Variants in ADH6 observed in about 807,000 individuals in gnomAD.
ADH6 encodes the protein alcohol dehydrogenase 6 (class V).
In ADH6, 34 loss-of-function variants were observed where a neutral mutation model predicts 36.5. The observed-to-expected ratio is 0.93, with a 90% CI of 0.71 to 1.24. ADH6 has a LOEUF of 1.24. Ranked by LOEUF, ADH6 falls within the 50% of genes most tolerant of loss-of-function variation. The pLI, the probability that ADH6 is intolerant of heterozygous loss-of-function variation, is 0.00. For missense variants in ADH6, 440 were observed against 447.0 expected, an observed-to-expected ratio of 0.98 and a Z score of 0.14; for synonymous variants, 161 against 155.5, an observed-to-expected ratio of 1.04 and a Z score of -0.26.
rs1403037005 is a variant in ADH6, at chr4:99,210,632, T to C, written c.263-130A>G. 21 of 685,956 alleles carry C rather than the reference T, an allele frequency of 3.1e-5. No homozygotes were observed. The Admixed American group carries it at 5.5e-4, about 18-fold the overall frequency. The allele number at this position is 685,956 out of a possible 1,614,324, so 42.5% of individuals were successfully genotyped here. ...TGAAAATTATTTCCACATTCAGTTG[T>C]GCTTGATACCACAAAGAATATCAAA... On this transcript the variant is annotated intron_variant, in intron 3 of 8. Coordinates refer to ENST00000394899, the MANE Select transcript of ADH6 (RefSeq NM_001102470.2).
intron 6 of ADH6, 25 bp downstream of exon 6, chr4:99,208,643 A>G: frequency 1.9e-6 from 3 of 1,589,494 alleles, no homozygotes; most frequent in Admixed American, 1.8e-5. Context: ...AGTATTGGTA[A>G]TTTTCACTCC....
At position 99,205,057 on chromosome 4, in the gene ADH6, T is replaced by C. The variant is rs1192687166; in HGVS notation, c.971A>G (p.Lys324Arg). 3.2e-6 allele frequency: 5 copies of C among 1,571,694 alleles called. No individual in the cohort carries two copies. The highest frequency in any genetic ancestry group is 2.8e-5 in the African/African-American group (2 of 72,558). The part of the protein sequence containing the change: ...SLKGSVFGGW[K>R]SRQHIPKLVA... ...CAGTTTAGGGATGTGCTGTCTGCTCTTCCAGCCTGGAAATACAGATTAATG... is the reference window on the plus strand; with the variant it reads ...CAGTTTAGGGATGTGCTGTCTGCTCCTCCAGCCTGGAAATACAGATTAATG... Residue 324 changes from lysine (K) to arginine (R), a missense_variant, in exon 8 of 9, where the codon AAG becomes AGG. By Grantham distance (26) the Lys-to-Arg change is conservative (BLOSUM62 2). Coordinates refer to ENST00000394899, the MANE Select transcript of ADH6 (RefSeq NM_001102470.2).
rs190461475 is a variant in ADH6 at position 99,205,123 on chromosome 4, A to T, written c.965-60T>A. On this transcript the variant is annotated intron_variant, in intron 7 of 8. Coordinates refer to ENST00000394899, the MANE Select transcript of ADH6 (RefSeq NM_001102470.2). ...GAGGCTTCATTATAAAGGAAAGGTC[A>T]TTCAAAGTAACTGCTGAAGTTGTTG... The T allele has an allele frequency of 2.2e-4, 320 of 1,482,006 alleles. 1 individual carries two copies. In the East Asian group the frequency reaches 7.2e-3, roughly 33 times the overall value. 91.8% of individuals were successfully genotyped at this position (1,482,006 alleles called of 1,614,324 possible).
At chr4:99,214,912 G>T (rs1462942439) in intron 2 of ADH6, among the ~76,000 whole-genome samples, 2 of 152,092 alleles carry the variant, frequency 1.3e-5, no homozygotes, top group Non-Finnish European at 2.9e-5. Flanking sequence ...TTCAATATGG[G>T]CATAGTTGCA....
chr4:99,204,778 G>T, intron 8 of ADH6, 147 bp downstream of exon 8: 1 of 1,329,026 alleles, frequency 7.5e-7, no homozygotes. Context: ...CAGAGGGGAA[G>T]GAGATGCTTT....
At position 99,210,454 on chromosome 4, in the gene ADH6, G is replaced by A. The variant is rs148378840; in HGVS notation, c.311C>T (p.Ser104Phe). ...AAAATTGCCCTCAGAATTCAGGCAA[G>A]AGGTACATTCTCCACACTGTGGCAG... Reference protein sequence around the residue: ...LFLPQCGECTSCLNSEGNFCI... With the variant: ...LFLPQCGECTFCLNSEGNFCI... Residue 104 changes from serine (S) to phenylalanine (F), a missense_variant, in exon 4 of 9, where the codon TCT (serine) becomes TTT (phenylalanine). Physicochemically the swap from Ser to Phe is radical, Grantham distance 155. Transcript: ENST00000394899. 2.0e-5 allele frequency: 33 copies of A among 1,612,288 alleles called. No homozygotes were observed. The highest frequency in any genetic ancestry group is 2.7e-5 in the Non-Finnish European group (32 of 1,179,508).
Position 99,207,515 on chromosome 4 carries a change from T to C in ADH6, c.895A>G (p.Ser299Gly), listed in dbSNP as rs58427639. Residue 299 changes from serine (S) to glycine (G), a missense_variant, in exon 7 of 9, where the codon AGT (serine) becomes GGT (glycine). Physicochemically the swap from Ser to Gly is moderately conservative, Grantham distance 56 (BLOSUM62 0). Transcript: ENST00000394899. Reference sequence around the variant, plus strand: ...TGGCCACTGATTTTGAGTTGAACACTGGCAGGCAACACCCCAACAACCACA... The same window carrying C: ...TGGCCACTGATTTTGAGTTGAACACCGGCAGGCAACACCCCAACAACCACA... ...VCVVVGVLPASVQLKISGQLF... is the reference protein window; with the variant it reads ...VCVVVGVLPAGVQLKISGQLF... The C allele has an allele frequency of 1.5e-5, 25 of 1,613,654 alleles. No individual in the cohort carries two copies. The African/African-American group carries it at 2.9e-4, about 19-fold the overall frequency.
At chr4:99,218,823 C>T (rs1315605749) in intron 1 of ADH6, among the ~76,000 whole-genome samples, 1 of 151,824 alleles carries the variant, frequency 6.6e-6, no homozygotes, top group Non-Finnish European at 1.5e-5. Context: ...CTTTACTATC[C>T]TTGTATATTG....
intron 3 of ADH6, 83 bp from the exon 4 acceptor site, chr4:99,210,585 G>T: frequency 9.2e-7 from 1 of 1,086,000 alleles, no homozygotes; most frequent in Non-Finnish European, 1.4e-6. Flanking sequence ...TGACAGCAAG[G>T]CACCCAAGAA....
chr4:99,216,377 G>C (rs4699733), intron 1 of ADH6, 115 bp from the exon 2 acceptor site: 331,101 of 470,636 alleles, frequency 0.7, 118,301 homozygotes, highest in East Asian at 0.91. Flanking sequence ...TTTCCGCACT[G>C]CAGAAAAAAA....
chr4:99,207,692 A>C (rs974976194), intron 6 of ADH6, 111 bp from the exon 7 acceptor site: 15 of 1,082,568 alleles, frequency 1.4e-5, no homozygotes, highest in Non-Finnish European at 1.8e-5. Context: ...TTCTTTTCTG[A>C]TTCTCCCTAT....
chr4:99,218,886 G>A (rs1022939578), intron 1 of ADH6, among the ~76,000 whole-genome samples: 1 of 152,044 alleles, frequency 6.6e-6, no homozygotes, highest in Non-Finnish European at 1.5e-5. Context: ...CCTTGGAGAA[G>A]GGGATATATC....
chr4:99,204,297 T>G (rs1310686829), intron 8 of ADH6, 54 bp from the exon 9 acceptor site: 2 of 1,585,334 alleles, frequency 1.3e-6, no homozygotes, highest in Non-Finnish European at 1.7e-6. Context: ...GCAACATTTG[T>G]GTTTTGGATT....
chr4:99,204,384 A>G, intron 8 of ADH6, 141 bp from the exon 9 acceptor site: 1 of 1,423,812 alleles, frequency 7.0e-7, no homozygotes, highest in South Asian at 1.6e-5. Context: ...TAAATAAGCC[A>G]TGGGAAGATT....
At chr4:99,210,547 G>A (rs1407825489) in intron 3 of ADH6, 45 bp from the exon 4 acceptor site, 3 of 1,446,618 alleles carry the variant, frequency 2.1e-6, no homozygotes, top group South Asian at 2.4e-5. Flanking sequence ...ATTTTTTAAA[G>A]TAAAGACATA....
rs755457270 is a variant in ADH6, at chr4:99,216,248, T to G, written c.33A>C (p.Lys11Asn). ...CACCAGGCTTCCAGAGTATGGCTGC[T>G]TTGCATCTGATGACCTGGGAAATAG... MSTTGQVIRCKAAILWKPGAP... is the reference protein window; with the variant it reads MSTTGQVIRCNAAILWKPGAP... The change falls in exon 2 of 9, where the codon AAA becomes AAC. Residue 11 changes from lysine (K) to asparagine (N), a missense_variant. Physicochemically the swap from Lys to Asn is moderately conservative, Grantham distance 94 (BLOSUM62 0). Coordinates refer to ENST00000394899, the MANE Select transcript of ADH6 (RefSeq NM_001102470.2). The G allele has an allele frequency of 1.3e-6, 2 of 1,573,048 alleles. No homozygotes were observed. Among genetic ancestry groups the G allele is most frequent in the Admixed American group, 1.8e-5 (1 of 55,638 alleles).
chr4:99,204,354 T>C, intron 8 of ADH6, 111 bp from the exon 9 acceptor site: 1 of 1,483,452 alleles, frequency 6.7e-7, no homozygotes, highest in Non-Finnish European at 8.9e-7. Context: ...TTTTTCTCTT[T>C]AGGTGAAAAA....
chr4:99,216,168 C>T lies in ADH6; in HGVS notation c.113G>A (p.Arg38His), dbSNP rs372810923. Residue 38 changes from arginine to histidine, a missense_variant, in exon 2 of 9, where the codon CGC becomes CAC. By Grantham distance (29) the Arg-to-His change is conservative (BLOSUM62 0). Transcript: ENST00000394899. ...EVAPPKAKEV[R>H]IKVVATGLCG... The stretch of plus-strand genomic sequence containing the variant: ...TTTTTTTTTTTTTTTTACCTTTATG[C>T]GAACTTCCTTTGCCTTTGGTGGGGC... The T allele has an allele frequency of 1.6e-5, 19 of 1,180,780 alleles. No homozygotes were observed. Among genetic ancestry groups the T allele is most frequent in the African/African-American group, 4.2e-5 (2 of 47,900 alleles). The allele number at this position is 1,180,780 out of a possible 1,614,324, so 73.1% of individuals were successfully genotyped here.
intron 2 of ADH6, chr4:99,215,649 G>T (rs1731382444): frequency 6.6e-6 from 1 of 152,224 alleles, no homozygotes. Context: ...GCTCAGCCGA[G>T]AAAAATTAGT....
Sources: allele counts gnomAD v4.1 joint callset (sites outside exome capture counted in the v4.1 genomes callset), GRCh38; gene constraint gnomAD v4.1.1; transcripts MANE v1.5; gene names NCBI Gene and HGNC (gene_info 2026-07-23, HGNC 2026-07-21).